KCNJ15: variants seen among roughly 807,000 people sequenced by gnomAD.
The protein encoded by KCNJ15 is potassium inwardly rectifying channel subfamily J member 15, also known as ATP-sensitive inward rectifier potassium channel 15.
Under a neutral mutation model 23.0 loss-of-function variants are expected in KCNJ15, and 14 were observed. The ratio of observed to expected loss-of-function variants is 0.61; its 90% CI spans 0.40 to 0.95. The LOEUF is 0.95. Among genes scored for constraint, KCNJ15 ranks in the 40% least tolerant of loss-of-function variants. The pLI is 0.00. For missense variants in KCNJ15, 388 were observed against 461.8 expected (o/e 0.84, Z 1.46); for synonymous variants, 185 against 183.2 (o/e 1.01, Z -0.08).
intron 1 of KCNJ15, among the ~76,000 whole-genome samples, chr21:38,266,975 A>G (rs1007062339): frequency 2.0e-5 from 3 of 152,174 alleles, no homozygotes; most frequent in Admixed American, 6.5e-5. Context: ...CCTGAGCTGC[A>G]CTTTAGAAAT....
chr21:38,292,505 A>G (rs1984706853), intron 1 of KCNJ15, among the ~76,000 whole-genome samples: 1 of 152,234 alleles, frequency 6.6e-6, no homozygotes, highest in Non-Finnish European at 1.5e-5. Flanking sequence ...TCTTGTCATG[A>G]TAAATGTAAA....
At chr21:38,239,112 G>A (rs1239987876) in intron 1 of KCNJ15, among the ~76,000 whole-genome samples, 1 of 152,200 alleles carries the variant, frequency 6.6e-6, no homozygotes, top group African/African-American at 2.4e-5. Context: ...TATGTTTATG[G>A]TGCTGATGGA....
At chr21:38,248,197 T>C (rs1979585349) in intron 1 of KCNJ15, among the ~76,000 whole-genome samples, 1 of 152,216 alleles carries the variant, frequency 6.6e-6, no homozygotes. Flanking sequence ...AAGCACTTCA[T>C]CAACAAATGA....
chr21:38,293,327 A>T (rs572655869), intron 1 of KCNJ15, among the ~76,000 whole-genome samples: 2 of 152,296 alleles, frequency 1.3e-5, no homozygotes, highest in African/African-American at 4.8e-5. Context: ...GGTGTGGGTT[A>T]CTGCTGTTCA....
At chr21:38,269,287 AG>A (rs1981826315) in intron 1 of KCNJ15, among the ~76,000 whole-genome samples, 1 of 152,198 alleles carries the variant, frequency 6.6e-6, no homozygotes, top group Admixed American at 6.5e-5. Flanking sequence ...CCAGAGCCAG[AG>A]TCTGTCCGTT....
At chr21:38,297,877 T>C (rs1985318730) in intron 2 of KCNJ15, among the ~76,000 whole-genome samples, 1 of 152,186 alleles carries the variant, frequency 6.6e-6, no homozygotes, top group African/African-American at 2.4e-5. Context: ...AAAATTAAAA[T>C]GCCCAGCAGA....
rs1986034343 is a variant in KCNJ15, at chr21:38,305,725, A to G, written c.*5336A>G. The stretch of plus-strand genomic sequence containing the variant: ...TTAGACAAATCTTCAAACTTAACTG[A>G]AACTCCTGTCCTGAATAGTTATTTG... On this transcript the variant is annotated 3_prime_UTR_variant, in exon 3 of 3. Transcript: ENST00000398938. The G allele has an allele frequency of 6.6e-6, 1 of 152,228 alleles. No individual in the cohort carries two copies. The allele number at this position is 152,228 out of a possible 1,614,324, so 9.4% of individuals were successfully genotyped here. A position where few individuals can be genotyped will look rare whatever the true frequency, so the allele number is the denominator to read the frequency against.
chr21:38,238,394 G>A, intron 1 of KCNJ15: 1 of 712,050 alleles, frequency 1.4e-6, no homozygotes. Context: ...GCCAGAATCA[G>A]CACCATGTTA....
intron 1 of KCNJ15, among the ~76,000 whole-genome samples, chr21:38,270,124 C>T (rs1981925838): frequency 6.6e-6 from 1 of 152,184 alleles, no homozygotes; most frequent in Admixed American, 6.5e-5. Flanking sequence ...CCTGTCAAGA[C>T]TCAGCTTTCC....
chr21:38,247,663 CCT>C (rs776003995), intron 1 of KCNJ15, among the ~76,000 whole-genome samples: 1 of 152,072 alleles, frequency 6.6e-6, no homozygotes, highest in Non-Finnish European at 1.5e-5. Flanking sequence ...TTAATAGAAT[CCT>C]CTGTTACTCT....
intron 1 of KCNJ15, among the ~76,000 whole-genome samples, chr21:38,266,931 A>G (rs1458613776): frequency 6.6e-6 from 1 of 152,182 alleles, no homozygotes; most frequent in Non-Finnish European, 1.5e-5. Context: ...AACATAGGCA[A>G]TGAGAAGTCA....
chr21:38,230,619 G>A lies in KCNJ15; in HGVS notation c.-398-26427G>A, dbSNP rs531348563. 3.3e-5 allele frequency among the ~76,000 whole-genome samples: 5 copies of A among 151,942 alleles called. No individual in the cohort carries two copies. In the South Asian group the frequency reaches 6.2e-4, roughly 19 times the overall value. On this transcript the variant is annotated intron_variant, in intron 1 of 4. Transcript: ENST00000547341. ...GTCATCTCTAACAGCAGTTCACAAAGTTTGCTTTCATGTTTCCTCTCAAGA... is the reference window on the plus strand; with the variant it reads ...GTCATCTCTAACAGCAGTTCACAAAATTTGCTTTCATGTTTCCTCTCAAGA...
At chr21:38,274,095 A>G (rs573575678) in intron 1 of KCNJ15, among the ~76,000 whole-genome samples, 21 of 152,318 alleles carry the variant, frequency 1.4e-4, no homozygotes, top group Non-Finnish European at 2.2e-4. Context: ...GGCTTTGCCA[A>G]TCCCAACTCT....
At position 38,258,597 on chromosome 21, in the gene KCNJ15, G is replaced by C. The variant is rs570647791; in HGVS notation, c.-117+1412G>C. Among the ~76,000 whole-genome samples the C allele has an allele frequency of 8.5e-5, 13 of 152,344 alleles. 1 individual carries two copies. In the South Asian group the frequency reaches 2.7e-3, roughly 32 times the overall value. On this transcript the variant is annotated intron_variant, in intron 1 of 2. Transcript: ENST00000398938. ...TTCCTGGTAGCAGCATGTCAGAAAC[G>C]CTCATCAAATAACGGAACAGACCTT...
rs1985765494 is a variant in KCNJ15 at position 38,301,337 on chromosome 21, G to T, written c.*948G>T. On this transcript the variant is annotated 3_prime_UTR_variant, in exon 3 of 3. Coordinates refer to ENST00000398938, the MANE Select transcript of KCNJ15 (RefSeq NM_170736.3). ...TCTGTGTGGGTCCCGTATCCCTGTGGCATCCAGACCTGGCCTCTCTTCATT... is the reference window on the plus strand; with the variant it reads ...TCTGTGTGGGTCCCGTATCCCTGTGTCATCCAGACCTGGCCTCTCTTCATT... 1 of 167,076 alleles carries T rather than the reference G, an allele frequency of 6.0e-6. No individual in the cohort carries two copies. Among genetic ancestry groups the T allele is most frequent in the Non-Finnish European group, 1.5e-5 (1 of 68,122 alleles). The allele number at this position is 167,076 out of a possible 1,614,324, so 10.3% of individuals were successfully genotyped here. A position where few individuals can be genotyped will look rare whatever the true frequency, so the allele number is the denominator to read the frequency against.
chr21:38,268,551 A>G (rs1288028984), intron 1 of KCNJ15, among the ~76,000 whole-genome samples: 6 of 38,852 alleles, frequency 1.5e-4, no homozygotes, highest in Non-Finnish European at 2.8e-4. Flanking sequence ...TTAAAATCTG[A>G]AAAAAAAAAA....
At chr21:38,287,217 T>C (rs920721938) in intron 1 of KCNJ15, among the ~76,000 whole-genome samples, 1 of 152,198 alleles carries the variant, frequency 6.6e-6, no homozygotes, top group African/African-American at 2.4e-5. Flanking sequence ...ACTTCTTAGC[T>C]TTTCTGACAC....
At chr21:38,246,405 T>C (rs1475187383) in intron 1 of KCNJ15, among the ~76,000 whole-genome samples, 1 of 152,214 alleles carries the variant, frequency 6.6e-6, no homozygotes, top group African/African-American at 2.4e-5. Context: ...TGGAAGAATC[T>C]TTCTGTGGAA....
chr21:38,298,496 T>G (rs1322140920), intron 2 of KCNJ15, among the ~76,000 whole-genome samples: 1 of 152,236 alleles, frequency 6.6e-6, no homozygotes, highest in Non-Finnish European at 1.5e-5. Context: ...CCTAATTATT[T>G]GCTTTAAGAA....
Sources: allele counts gnomAD v4.1 joint callset (sites outside exome capture counted in the v4.1 genomes callset), GRCh38; gene constraint gnomAD v4.1.1; transcripts MANE v1.5; gene names NCBI Gene and HGNC (gene_info 2026-07-23, HGNC 2026-07-21).